Variants in GBE1 observed in about 807,000 individuals in gnomAD.
GBE1 encodes the protein 1,4-alpha-glucan-branching enzyme.
In GBE1, 70 loss-of-function variants were observed where a neutral mutation model predicts 88.8. That is an observed-to-expected ratio of 0.79 (90% CI 0.65 to 0.96). The LOEUF (loss-of-function observed/expected upper bound fraction) is 0.96. Ranked by LOEUF, GBE1 falls within the 40% of genes least tolerant of loss-of-function variation. GBE1 has a pLI of 0.00. For synonymous variants in GBE1, 284 were observed against 300.1 expected, an observed-to-expected ratio of 0.95 and a Z score of 0.56; for missense variants, 872 against 871.0, an observed-to-expected ratio of 1.00 and a Z score of -0.01.
chr3:81,578,006 T>A lies in GBE1; in HGVS notation c.1537A>T (p.Ile513Phe). 6.2e-7 allele frequency: 1 copy of A among 1,610,082 alleles called. No homozygotes were observed. Among genetic ancestry groups the A allele is most frequent in the Non-Finnish European group, 8.5e-7 (1 of 1,178,442 alleles). ...MSVLTPFTPV[I>F]DRGIQLHKMI... ...TTATGAAGCTGTATTCCACGATCAA[T>A]AACTGGAGTAAAAGGAGTCAGGACA... The change falls in exon 12 of 16, where the codon ATT becomes TTT. Residue 513 changes from isoleucine (I) to phenylalanine (F), a missense_variant. Transcript: ENST00000429644.
At chr3:81,502,773 T>G (rs953693478) in intron 14 of GBE1, among the ~76,000 whole-genome samples, 1 of 152,172 alleles carries the variant, frequency 6.6e-6, no homozygotes, top group Non-Finnish European at 1.5e-5. Context: ...TGCACACATA[T>G]GTACATACAT....
intron 2 of GBE1, among the ~76,000 whole-genome samples, chr3:81,689,841 C>T (rs1327903873): frequency 2.6e-5 from 4 of 152,104 alleles, no homozygotes; most frequent in Admixed American, 2.0e-4. Context: ...GGGAGGAGCC[C>T]GGCCCCTCCT....
chr3:81,602,589 T>C (rs1291368051), intron 7 of GBE1, among the ~76,000 whole-genome samples: 2 of 151,816 alleles, frequency 1.3e-5, no homozygotes, highest in East Asian at 3.9e-4. Flanking sequence ...TGGGGTCCCT[T>C]TTCTAAGAGC....
intron 14 of GBE1, among the ~76,000 whole-genome samples, chr3:81,527,535 C>A (rs907376890): frequency 1.8e-4 from 27 of 152,004 alleles, no homozygotes; most frequent in African/African-American, 6.0e-4. Flanking sequence ...ACAAAAACAA[C>A]CCCATCAACA....
At chr3:81,610,596 C>T (rs1319093952) in intron 7 of GBE1, among the ~76,000 whole-genome samples, 1 of 152,004 alleles carries the variant, frequency 6.6e-6, no homozygotes, top group Non-Finnish European at 1.5e-5. Context: ...TTGAATATGG[C>T]CCAGGAACTT....
intron 15 of GBE1, among the ~76,000 whole-genome samples, chr3:81,496,866 C>T (rs765680951): frequency 6.6e-6 from 1 of 152,096 alleles, no homozygotes; most frequent in African/African-American, 2.4e-5. Flanking sequence ...TGTATTTAAA[C>T]GAGTAATTCC....
intron 7 of GBE1, among the ~76,000 whole-genome samples, chr3:81,595,380 AG>A (rs1263466951): frequency 6.6e-6 from 1 of 151,832 alleles, no homozygotes; most frequent in African/African-American, 2.4e-5. Flanking sequence ...TATTGTTTAT[AG>A]TTTTCTTATA....
intron 2 of GBE1, among the ~76,000 whole-genome samples, chr3:81,677,283 G>A (rs1705274495): frequency 6.6e-6 from 1 of 152,188 alleles, no homozygotes; most frequent in South Asian, 2.1e-4. Context: ...GAGGCAAGAT[G>A]TCTGGCAAAT....
chr3:81,737,420 AAT>A (rs948108233), intron 1 of GBE1, among the ~76,000 whole-genome samples: 116 of 136,168 alleles, frequency 8.5e-4, no homozygotes, highest in Admixed American at 3.2e-3. Flanking sequence ...TATTTATATA[AAT>A]ATATATATTC....
chr3:81,638,101 T>TTATA (rs1704616282), intron 7 of GBE1, among the ~76,000 whole-genome samples: 1 of 152,088 alleles, frequency 6.6e-6, no homozygotes, highest in Admixed American at 6.6e-5. Context: ...GTCCCAAATA[T>TTATA]TATATATAGT....
intron 6 of GBE1, among the ~76,000 whole-genome samples, chr3:81,644,827 C>A (rs1704742220): frequency 6.6e-6 from 1 of 152,028 alleles, no homozygotes; most frequent in South Asian, 2.1e-4. Context: ...GCAGTGGGGG[C>A]AGTTGAAGCA....
chr3:81,608,685 C>T (rs147545324), intron 7 of GBE1, among the ~76,000 whole-genome samples: 2 of 152,138 alleles, frequency 1.3e-5, no homozygotes, highest in Non-Finnish European at 2.9e-5. Flanking sequence ...CCTTTGGCTG[C>T]TGGCAGTCTG....
At chr3:81,658,178 A>G (rs1704969612) in intron 3 of GBE1, among the ~76,000 whole-genome samples, 1 of 152,156 alleles carries the variant, frequency 6.6e-6, no homozygotes, top group Non-Finnish European at 1.5e-5. Context: ...CTTGAATAGG[A>G]CAAAGGGTTT....
chr3:81,614,993 G>C (rs1181791788), intron 7 of GBE1, among the ~76,000 whole-genome samples: 1 of 151,502 alleles, frequency 6.6e-6, no homozygotes, highest in Non-Finnish European at 1.5e-5. Flanking sequence ...CTGTACTCCA[G>C]CATAGGTTAC....
chr3:81,610,584 G>T (rs905308323), intron 7 of GBE1, among the ~76,000 whole-genome samples: 5 of 152,098 alleles, frequency 3.3e-5, no homozygotes, highest in African/African-American at 1.2e-4. Context: ...GAGAGACAAG[G>T]TTTGAATATG....
chr3:81,692,513 G>GC (rs1705536249), intron 2 of GBE1, among the ~76,000 whole-genome samples: 1 of 152,158 alleles, frequency 6.6e-6, no homozygotes, highest in Non-Finnish European at 1.5e-5. Flanking sequence ...AGTTGAGAAT[G>GC]CAGAGCCCCC....
At chr3:81,625,850 GAGAA>G (rs1704407778) in intron 7 of GBE1, among the ~76,000 whole-genome samples, 1 of 152,154 alleles carries the variant, frequency 6.6e-6, no homozygotes, top group South Asian at 2.1e-4. Context: ...GAAAGGTAAT[GAGAA>G]AGAAAGAGAA....
At chr3:81,693,856 C>A (rs1272676263) in intron 2 of GBE1, among the ~76,000 whole-genome samples, 1 of 151,634 alleles carries the variant, frequency 6.6e-6, no homozygotes, top group Non-Finnish European at 1.5e-5. Context: ...ACAGAGTAAG[C>A]ACCTTATTTT....
intron 2 of GBE1, among the ~76,000 whole-genome samples, chr3:81,687,582 G>C (rs1705459231): frequency 6.6e-6 from 1 of 152,180 alleles, no homozygotes; most frequent in South Asian, 2.1e-4. Context: ...CTACCATGGA[G>C]AATGTAAGAA....
Sources: gnomAD v4.1 joint callset for allele counts (sites outside exome capture counted in the v4.1 genomes callset) on GRCh38, gnomAD v4.1.1 for gene constraint, MANE v1.5 for transcripts, NCBI Gene and HGNC (gene_info 2026-07-23, HGNC 2026-07-21) for gene names.